KCTD21: variants seen among roughly 807,000 people sequenced by gnomAD.
KCTD21 encodes potassium channel tetramerization domain containing 21.
In KCTD21, 9 loss-of-function variants were observed where a neutral mutation model predicts 13.2. The observed-to-expected ratio is 0.68, with a 90% CI of 0.41 to 1.19. The LOEUF (loss-of-function observed/expected upper bound fraction) is 1.19, where lower values mean the gene tolerates loss of function less well. Among genes scored for constraint, KCTD21 ranks in the 50% most tolerant of loss-of-function variants. The pLI is 0.01. For synonymous variants in KCTD21, 142 were observed against 137.4 expected, an observed-to-expected ratio of 1.03 and a Z score of -0.23; for missense variants, 303 against 336.5, an observed-to-expected ratio of 0.90 and a Z score of 0.78.
rs576966487 is a variant in KCTD21, at chr11:78,173,700, C to T, written c.*72G>A. ...ATAGTCCCCTGCCTCGCACCACTGG[C>T]GAGATGCCCTCCAAGACCTGGCTGA... On this transcript the variant is annotated 3_prime_UTR_variant, in exon 2 of 2. Transcript: ENST00000340067. The T allele has an allele frequency of 3.6e-5, 46 of 1,292,800 alleles. 1 individual carries two copies. Among genetic ancestry groups the T allele is most frequent in the South Asian group, 1.2e-4 (9 of 74,074 alleles). 80.1% of individuals were successfully genotyped at this position (1,292,800 alleles called of 1,614,324 possible).
intron 1 of KCTD21, among the ~76,000 whole-genome samples, chr11:78,186,329 G>A (rs539335612): frequency 8.0e-6 from 1 of 124,702 alleles, no homozygotes; most frequent in South Asian, 2.8e-4. Context: ...CCGAGATCAC[G>A]CCACTGCACT....
chr11:78,174,062 A>C lies in KCTD21; in HGVS notation c.493T>G (p.Tyr165Asp), dbSNP rs1426467549. The change falls in exon 2 of 2, where the codon TAC becomes GAC. Residue 165 changes from tyrosine (Y) to aspartate (D), a missense_variant. Coordinates refer to ENST00000340067, the MANE Select transcript of KCTD21 (RefSeq NM_001029859.3). ...GAGGAGAGATTGCCATTGGAGCAGT[A>C]GAAGAGCTTAGAGCCAAGGAGCTTG... ...FLKLLGSKLF[Y>D]CSNGNLSSIT... The C allele has an allele frequency of 1.9e-6, 3 of 1,614,182 alleles. No homozygotes were observed. In the South Asian group the frequency reaches 3.3e-5, roughly 18 times the overall value.
chr11:78,184,502 A>G (rs1243141839), intron 1 of KCTD21, among the ~76,000 whole-genome samples: 1 of 151,964 alleles, frequency 6.6e-6, no homozygotes, highest in African/African-American at 2.4e-5. Flanking sequence ...ATGTCCGGCT[A>G]ATTTTTGTAT....
intron 1 of KCTD21, chr11:78,174,986 A>C (rs1862405351): frequency 6.2e-6 from 1 of 162,248 alleles, no homozygotes; most frequent in Non-Finnish European, 1.3e-5. Context: ...ACGTGCCTGG[A>C]CTGAAAGCTA....
At position 78,177,587 on chromosome 11, in the gene KCTD21, C is replaced by G. The variant is rs542062608; in HGVS notation, c.-29-3004G>C. Among the ~76,000 whole-genome samples the G allele has an allele frequency of 2.1e-5, 3 of 145,812 alleles. No individual in the cohort carries two copies. In the South Asian group the frequency reaches 6.2e-4, roughly 30 times the overall value. The stretch of plus-strand genomic sequence containing the variant: ...TTTACTCAGTCCAGAATCTTCTTCC[C>G]TGTTGCCCTCTTTGTAGGACTCTAG... On this transcript the variant is annotated intron_variant, in intron 1 of 1. Coordinates refer to ENST00000340067, the MANE Select transcript of KCTD21 (RefSeq NM_001029859.3).
At chr11:78,188,066 G>A (rs1276250253) in intron 1 of KCTD21, 1 of 985,326 alleles carries the variant, frequency 1.0e-6, no homozygotes, top group South Asian at 4.7e-5. Flanking sequence ...ATGCATCACA[G>A]GCTTTTGCCC....
intron 1 of KCTD21, 168 bp downstream of exon 1, chr11:78,188,405 C>A (rs943327876): frequency 4.5e-5 from 44 of 985,556 alleles, no homozygotes; most frequent in Non-Finnish European, 4.8e-5. Flanking sequence ...TCACCTCGCT[C>A]CGAAACGCGC....
rs1862386753 is a variant in KCTD21, at chr11:78,174,493, A to G, written c.62T>C (p.Leu21Pro). 6.2e-7 allele frequency: 1 copy of G among 1,613,964 alleles called. No individual in the cohort carries two copies. Among genetic ancestry groups the G allele is most frequent in the African/African-American group, 1.3e-5 (1 of 74,906 alleles). Residue 21 changes from leucine (L) to proline (P), a missense_variant, in exon 2 of 2, where the codon CTG becomes CCG. Leu to Pro is a moderately conservative substitution (Grantham distance 98). Coordinates refer to ENST00000340067, the MANE Select transcript of KCTD21 (RefSeq NM_001029859.3). ...GKLYTTSLAT[L>P]TSFPDSMLGA... ...TAGCATGGAGTCAGGGAAGCTGGTC[A>G]GGGTCGCCAGTGAGGTTGTATAGAG...
rs773005671 is a variant in KCTD21 at position 78,174,543 on chromosome 11, G to A, written c.12C>T (p.Pro4=). MSD[P]ITLNVGGKLY... The stretch of plus-strand genomic sequence containing the variant: ...GCTTCCCCCCGACGTTCAGCGTGAT[G>A]GGGTCGGACATGGCAGGAGACTGGG... The change falls in exon 2 of 2, where the codon CCC becomes CCT. Residue 4 remains proline, a synonymous_variant. Transcript: ENST00000340067. 1.2e-6 allele frequency: 2 copies of A among 1,612,060 alleles called. No homozygotes were observed. Among genetic ancestry groups the A allele is most frequent in the Non-Finnish European group, 1.7e-6 (2 of 1,178,808 alleles).
chr11:78,172,714 A>G lies in KCTD21; in HGVS notation c.*1058T>C, dbSNP rs560187042. ...ACCAAGATCCAGCAAGTGGCAGGAC[A>G]GATTTTGGCTCAATATAGGGAAGAA... On this transcript the variant is annotated 3_prime_UTR_variant, in exon 2 of 2. Transcript: ENST00000340067. The G allele has an allele frequency of 6.6e-6, 1 of 152,434 alleles. No homozygotes were observed. The highest frequency in any genetic ancestry group is 2.1e-4 in the South Asian group (1 of 4,830). The allele number at this position is 152,434 out of a possible 1,614,324, so 9.4% of individuals were successfully genotyped here. A position where few individuals can be genotyped will look rare whatever the true frequency, so the allele number is the denominator to read the frequency against.
rs1487794420 is a variant in KCTD21, at chr11:78,174,058, CAGT to C, written c.494_496del (p.Tyr165del). 1.2e-6 allele frequency: 2 copies of C among 1,614,138 alleles called. No individual in the cohort carries two copies. Among genetic ancestry groups the C allele is most frequent in the South Asian group, 1.1e-5 (1 of 91,080 alleles). ...GATGGAGGAGAGATTGCCATTGGAG[CAGT>C]AGAAGAGCTTAGAGCCAAGGAGCTT... On this transcript the variant is annotated inframe_deletion, in exon 2 of 2. Coordinates refer to ENST00000340067, the MANE Select transcript of KCTD21 (RefSeq NM_001029859.3).
rs146120097 is a variant in KCTD21 at position 78,173,841 on chromosome 11, G to A, written c.714C>T (p.Ile238=). Residue 238 remains isoleucine, a synonymous_variant, in exon 2 of 2, where the codon ATC becomes ATT. Coordinates refer to ENST00000340067, the MANE Select transcript of KCTD21 (RefSeq NM_001029859.3). ...CCAGAGCATGTGGGTGAGAAGAATCGATGCAGAAGCCATCGCTCAGAGCGA... is the reference window on the plus strand; with the variant it reads ...CCAGAGCATGTGGGTGAGAAGAATCAATGCAGAAGCCATCGCTCAGAGCGA... ...LKIALSDGFC[I]DSSHPHALDF... 144 of 1,614,170 alleles carry A rather than the reference G, an allele frequency of 8.9e-5. No homozygotes were observed. In the African/African-American group the frequency reaches 1.3e-3, roughly 15 times the overall value.
At chr11:78,179,398 G>C (rs1319000527) in intron 1 of KCTD21, among the ~76,000 whole-genome samples, 1 of 151,956 alleles carries the variant, frequency 6.6e-6, no homozygotes, top group Non-Finnish European at 1.5e-5. Flanking sequence ...ACAGGTACCA[G>C]AAGCCTCACC....
At chr11:78,185,083 T>G (rs1481754747) in intron 1 of KCTD21, among the ~76,000 whole-genome samples, 1 of 152,222 alleles carries the variant, frequency 6.6e-6, no homozygotes, top group Non-Finnish European at 1.5e-5. Context: ...GACTTCTTGC[T>G]TATTACATAT....
chr11:78,182,384 A>G (rs1161104864), intron 1 of KCTD21, among the ~76,000 whole-genome samples: 1 of 151,786 alleles, frequency 6.6e-6, no homozygotes, highest in African/African-American at 2.4e-5. Flanking sequence ...TTAAATAATT[A>G]AAATTTTAAT....
chr11:78,183,934 C>T lies in KCTD21; in HGVS notation c.-30+4639G>A, dbSNP rs189744672. On this transcript the variant is annotated intron_variant, in intron 1 of 1. Transcript: ENST00000340067. Reference sequence around the variant, plus strand: ...ACAGGCGTGAGCCACCGCACCCGGCCAGGAAAAATTAATTCTATAAAAAAG... The same window carrying T: ...ACAGGCGTGAGCCACCGCACCCGGCTAGGAAAAATTAATTCTATAAAAAAG... Among the ~76,000 whole-genome samples, 89 of 152,222 alleles carry T rather than the reference C, an allele frequency of 5.8e-4. 2 individuals are homozygous for T. The East Asian group carries it at 0.016, about 27-fold the overall frequency.
At chr11:78,188,245 C>G in intron 1 of KCTD21, 2 of 984,462 alleles carry the variant, frequency 2.0e-6, no homozygotes. Flanking sequence ...AGTGCCCCAC[C>G]CCCACCTAGA....
intron 1 of KCTD21, among the ~76,000 whole-genome samples, chr11:78,178,187 G>A (rs1255923030): frequency 6.7e-6 from 1 of 150,024 alleles, no homozygotes; most frequent in Non-Finnish European, 1.5e-5. Flanking sequence ...GTGCAGTGAC[G>A]CAATCTCAGC....
chr11:78,186,077 C>T (rs1398038015), intron 1 of KCTD21, among the ~76,000 whole-genome samples: 1 of 151,764 alleles, frequency 6.6e-6, no homozygotes, highest in Non-Finnish European at 1.5e-5. Flanking sequence ...CAAGGATGGG[C>T]AGAAAGAACT....
Sources: allele counts gnomAD v4.1 joint callset (sites outside exome capture counted in the v4.1 genomes callset), GRCh38; gene constraint gnomAD v4.1.1; transcripts MANE v1.5; gene names NCBI Gene and HGNC (gene_info 2026-07-23, HGNC 2026-07-21).